Variants in PLEKHM3 observed in about 807,000 individuals in gnomAD.
PLEKHM3 encodes the protein pleckstrin homology domain containing M3.
A neutral mutation model predicts 81.8 loss-of-function variants in PLEKHM3; 45 were observed. The ratio of observed to expected loss-of-function variants is 0.55; its 90% CI spans 0.43 to 0.71. The LOEUF (loss-of-function observed/expected upper bound fraction) is 0.71. PLEKHM3 is among the 30% of genes least tolerant of loss of function. The pLI, the probability that PLEKHM3 is intolerant of heterozygous loss-of-function variation, is 0.00. For synonymous variants in PLEKHM3, 352 were observed against 356.4 expected, an observed-to-expected ratio of 0.99 and a Z score of 0.14; for missense variants, 788 against 924.3, an observed-to-expected ratio of 0.85 and a Z score of 1.91.
rs1314855069 is a variant in PLEKHM3 at position 207,976,532 on chromosome 2, C to T, written c.1546+119G>A. 5.1e-6 allele frequency: 5 copies of T among 985,162 alleles called. No individual in the cohort carries two copies. The highest frequency in any genetic ancestry group is 5.9e-6 in the Non-Finnish European group (4 of 682,480). 61.0% of individuals were successfully genotyped at this position (985,162 alleles called of 1,614,324 possible). A position where few individuals can be genotyped will look rare whatever the true frequency, so the allele number is the denominator to read the frequency against. On this transcript the variant is annotated intron_variant, in intron 3 of 7. Coordinates refer to ENST00000427836, the MANE Select transcript of PLEKHM3 (RefSeq NM_001080475.3). The surrounding 1 kb of genome is among the most constrained non-coding windows in gnomAD (Gnocchi z 4.1). The stretch of plus-strand genomic sequence containing the variant: ...ACAGTAAGCTTCTCGAGGAGAGATA[C>T]TTTTTATAAACAGGAGATAGCTGTG...
At chr2:207,829,842 G>A (rs918909208) in intron 7 of PLEKHM3, among the ~76,000 whole-genome samples, 6 of 152,206 alleles carry the variant, frequency 3.9e-5, no homozygotes, top group South Asian at 2.1e-4. Context: ...TTTTCACAGC[G>A]TCTTGAGTTT....
At chr2:207,978,758 C>A (rs1180692611) in intron 2 of PLEKHM3, among the ~76,000 whole-genome samples, 2 of 150,932 alleles carry the variant, frequency 1.3e-5, no homozygotes, top group Admixed American at 1.3e-4. Flanking sequence ...GAGAGTCTGT[C>A]CTGATTCCCC....
chr2:207,843,204 C>T lies in PLEKHM3; in HGVS notation c.2109-14708G>A, dbSNP rs2092364146. On this transcript the variant is annotated intron_variant, in intron 7 of 7. Transcript: ENST00000427836. This position sits in a 1 kb window ranked among gnomAD's most constrained non-coding sequence, Gnocchi z 4.4. ...GGCTCAAGTGATCTGCCTGTCTCAGCCTCCCAAAGTGTTGGCCTCCTTTGG... is the reference window on the plus strand; with the variant it reads ...GGCTCAAGTGATCTGCCTGTCTCAGTCTCCCAAAGTGTTGGCCTCCTTTGG... Among the ~76,000 whole-genome samples the T allele has an allele frequency of 6.6e-6, 1 of 152,182 alleles. No individual in the cohort carries two copies. Among genetic ancestry groups the T allele is most frequent in the African/African-American group, 2.4e-5 (1 of 41,448 alleles).
chr2:207,987,135 C>G (rs1344158353), intron 2 of PLEKHM3, among the ~76,000 whole-genome samples: 1 of 152,218 alleles, frequency 6.6e-6, no homozygotes, highest in East Asian at 1.9e-4. Context: ...CCATTTCCAG[C>G]TTTCCAGACA....
chr2:207,902,428 G>C (rs924731936), intron 6 of PLEKHM3, among the ~76,000 whole-genome samples: 1 of 152,178 alleles, frequency 6.6e-6, no homozygotes, highest in Non-Finnish European at 1.5e-5. Context: ...GATCTTACCA[G>C]TTAGAAAACA....
intron 2 of PLEKHM3, among the ~76,000 whole-genome samples, chr2:207,999,568 A>G (rs1175453122): frequency 1.3e-5 from 2 of 152,168 alleles, no homozygotes; most frequent in African/African-American, 2.4e-5. Flanking sequence ...TTACATCATC[A>G]TATTCCAGCC....
rs182294737 is a variant in PLEKHM3 at position 207,830,968 on chromosome 2, C to T, written c.2109-2472G>A. 6.4e-4 allele frequency among the ~76,000 whole-genome samples: 97 copies of T among 152,310 alleles called. 1 individual carries two copies. The highest frequency in any genetic ancestry group is 7.7e-4 in the African/African-American group (32 of 41,580). ...ACTAATGACCTTACGCAAGTCACGT[C>T]GCCTTTCTGAGCTTCCTGCACTTCA... is the stretch of plus-strand genomic sequence containing the variant. On this transcript the variant is annotated intron_variant, in intron 7 of 7. Transcript: ENST00000427836.
chr2:207,888,136 T>C (rs931845524), intron 6 of PLEKHM3, among the ~76,000 whole-genome samples: 1 of 152,036 alleles, frequency 6.6e-6, no homozygotes, highest in Non-Finnish European at 1.5e-5. Flanking sequence ...CATCTCAAGG[T>C]GTTCCTTTTC....
In PLEKHM3 at chr2:207,924,326, G is replaced by A. The variant is rs966150429; in HGVS notation, c.1886+6600C>T. On this transcript the variant is annotated intron_variant, in intron 5 of 7. Coordinates refer to ENST00000427836, the MANE Select transcript of PLEKHM3 (RefSeq NM_001080475.3). ...AAGGAAGAGTGCTGGGCCAAACGTT[G>A]TCACCTTATAGTCAGTGTCGATTTA... 4.6e-5 allele frequency among the ~76,000 whole-genome samples: 7 copies of A among 152,104 alleles called. 1 individual carries two copies. The highest frequency in any genetic ancestry group is 1.7e-4 in the African/African-American group (7 of 41,414).
At chr2:207,997,759 C>A (rs73064896) in intron 2 of PLEKHM3, among the ~76,000 whole-genome samples, 1 of 152,152 alleles carries the variant, frequency 6.6e-6, no homozygotes, top group African/African-American at 2.4e-5. Flanking sequence ...GTTGGAGATG[C>A]GAGTCTGCAG....
rs748190318 is a variant in PLEKHM3 at position 208,001,266 on chromosome 2, C to A, written c.374G>T (p.Arg125Leu). ...TACAGAACGAGGCCGGTCCCTCCGACGCTGACAGATATTGAAGAAATTAAA... is the reference window on the plus strand; with the variant it reads ...TACAGAACGAGGCCGGTCCCTCCGAAGCTGACAGATATTGAAGAAATTAAA... ...STFNFFNICQ[R>L]RRDRPRSVND... Residue 125 changes from arginine (R) to leucine (L), a missense_variant, in exon 2 of 8, where the codon CGT (arginine) becomes CTT (leucine). Arg to Leu is a moderately radical substitution (Grantham distance 102). Coordinates refer to ENST00000427836, the MANE Select transcript of PLEKHM3 (RefSeq NM_001080475.3). 2.5e-6 allele frequency: 4 copies of A among 1,614,176 alleles called. No individual in the cohort carries two copies. Among genetic ancestry groups the A allele is most frequent in the Non-Finnish European group, 3.4e-6 (4 of 1,180,022 alleles).
chr2:207,972,234 G>C (rs1691147188), intron 3 of PLEKHM3, among the ~76,000 whole-genome samples: 1 of 151,660 alleles, frequency 6.6e-6, no homozygotes, highest in Non-Finnish European at 1.5e-5. Context: ...ACTAGCAAGT[G>C]TAAGGGTCCT....
intron 2 of PLEKHM3, among the ~76,000 whole-genome samples, chr2:207,987,022 T>G (rs1050633260): frequency 1.3e-5 from 2 of 152,076 alleles, no homozygotes; most frequent in African/African-American, 2.4e-5. Context: ...AGAAAAGAAG[T>G]ATCACTTCAG....
intron 7 of PLEKHM3, among the ~76,000 whole-genome samples, chr2:207,847,156 A>G (rs888243754): frequency 3.3e-5 from 5 of 152,226 alleles, no homozygotes; most frequent in Non-Finnish European, 7.3e-5. Flanking sequence ...TCAAAACACA[A>G]TGGTGGCTTC....
chr2:207,992,681 G>A (rs970344295), intron 2 of PLEKHM3, among the ~76,000 whole-genome samples: 4 of 152,012 alleles, frequency 2.6e-5, no homozygotes, highest in South Asian at 2.1e-4. Flanking sequence ...ATTATCTATC[G>A]TGCACAGCAG....
At position 207,946,518 on chromosome 2, in the gene PLEKHM3, C is replaced by A; in HGVS notation, c.1547-6G>T. ...ACCTATGGATCGCTGGCAGCCTGTTCAAGGAAAAAGGAAGAGTCTATGATT... is the reference window on the plus strand; with the variant it reads ...ACCTATGGATCGCTGGCAGCCTGTTAAAGGAAAAAGGAAGAGTCTATGATT... On this transcript the variant is annotated splice_polypyrimidine_tract_variant and splice_region_variant and intron_variant, in intron 3 of 7. Transcript: ENST00000427836. 1.2e-6 allele frequency: 2 copies of A among 1,609,366 alleles called. No individual in the cohort carries two copies. The highest frequency in any genetic ancestry group is 8.5e-7 in the Non-Finnish European group (1 of 1,178,560).
At chr2:207,867,211 G>A (rs2092506472) in intron 6 of PLEKHM3, among the ~76,000 whole-genome samples, 1 of 152,170 alleles carries the variant, frequency 6.6e-6, no homozygotes, top group Non-Finnish European at 1.5e-5. Flanking sequence ...CAAGGAGGAG[G>A]ATAAAGAGTG....
At position 207,828,506 on chromosome 2, in the gene PLEKHM3, T is replaced by C. The variant is rs751179296; in HGVS notation, c.2109-10A>G. On this transcript the variant is annotated splice_polypyrimidine_tract_variant and intron_variant, in intron 7 of 7. Transcript: ENST00000427836. Reference sequence around the variant, plus strand: ...TCCACAGCTTTCACACCTGCAAAAGTCAACCATGGATATGATGAGCAAGAC... The same window carrying C: ...TCCACAGCTTTCACACCTGCAAAAGCCAACCATGGATATGATGAGCAAGAC... 6.2e-7 allele frequency: 1 copy of C among 1,612,682 alleles called. No homozygotes were observed. The highest frequency in any genetic ancestry group is 1.1e-5 in the South Asian group (1 of 90,896).
At chr2:207,970,619 C>A (rs1691086495) in intron 3 of PLEKHM3, among the ~76,000 whole-genome samples, 1 of 152,174 alleles carries the variant, frequency 6.6e-6, no homozygotes, top group Non-Finnish European at 1.5e-5. Flanking sequence ...CTTTGTGTTT[C>A]TTGCCTTTGA....
Sources: gnomAD v4.1 joint callset for allele counts (sites outside exome capture counted in the v4.1 genomes callset) on GRCh38, gnomAD v4.1.1 for gene constraint, Gnocchi (gnomAD v3.1) non-coding constraint, MANE v1.5 for transcripts, NCBI Gene and HGNC (gene_info 2026-07-23, HGNC 2026-07-21) for gene names.